ZFAT: variants seen among roughly 807,000 people sequenced by gnomAD.
ZFAT encodes zinc finger and AT-hook domain containing.
A neutral mutation model predicts 117.7 loss-of-function variants in ZFAT; 64 were observed. The observed-to-expected ratio is 0.54, with a 90% CI of 0.44 to 0.67. ZFAT has a LOEUF of 0.67. Among genes scored for constraint, ZFAT ranks in the 30% least tolerant of loss-of-function variants. ZFAT has a pLI of 0.00. For missense variants in ZFAT, 1,433 were observed against 1,584.5 expected, an observed-to-expected ratio of 0.90 and a Z score of 1.62; for synonymous variants, 679 against 615.0, an observed-to-expected ratio of 1.10 and a Z score of -1.54.
In ZFAT at chr8:134,577,182, G is replaced by A. The variant is rs895397297; in HGVS notation, c.2887+6650C>T. On this transcript the variant is annotated intron_variant, in intron 10 of 15. Transcript: ENST00000377838. ...TGGCATACACACAAAGGGTTTAATCGAGCCCTTTATAGATCAATTTCTCTC... is the reference window on the plus strand; with the variant it reads ...TGGCATACACACAAAGGGTTTAATCAAGCCCTTTATAGATCAATTTCTCTC... Among the ~76,000 whole-genome samples, 14 of 152,186 alleles carry A rather than the reference G, an allele frequency of 9.2e-5. No individual in the cohort carries two copies. In the East Asian group the frequency reaches 2.1e-3, roughly 23 times the overall value.
At chr8:134,682,581 G>C (rs1392381041) in intron 1 of ZFAT, among the ~76,000 whole-genome samples, 1 of 152,256 alleles carries the variant, frequency 6.6e-6, no homozygotes, top group Non-Finnish European at 1.5e-5. Flanking sequence ...CTTGAGCCTG[G>C]AAGGCGGAGG....
At position 134,602,381 on chromosome 8, in the gene ZFAT, C is replaced by T. The variant is rs775361240; in HGVS notation, c.1338G>A (p.Ala446=). 2.1e-5 allele frequency: 34 copies of T among 1,613,702 alleles called. No individual in the cohort carries two copies. The highest frequency in any genetic ancestry group is 5.0e-5 in the Admixed American group (3 of 60,012). ...LCGHGATKYQ[A]LELHVRKHPF... is the part of the protein sequence containing the mutation. ...GGTGCTTCCTGACATGCAGTTCCAG[C>T]GCCTGGTACTTGGTGGCCCCATGGC... Residue 446 remains alanine (A), a synonymous_variant, in exon 6 of 16, where the codon GCG becomes GCA. Transcript: ENST00000377838.
chr8:134,720,140 CAGGAGTCCTCATGG>C, the ZFAT span, among the ~76,000 whole-genome samples: 1 of 152,212 alleles, frequency 6.6e-6, no homozygotes, highest in Non-Finnish European at 1.5e-5. Flanking sequence ...ACCCAGAGGA[CAGGAGTCCTCATGG>C]ACATTCAATC....
the ZFAT span, among the ~76,000 whole-genome samples, chr8:134,763,282 C>T: frequency 6.6e-6 from 1 of 152,300 alleles, no homozygotes; most frequent in African/African-American, 2.4e-5. Context: ...TCACTGAATT[C>T]ACCTCCTGTT....
the ZFAT span, among the ~76,000 whole-genome samples, chr8:134,722,371 G>A: frequency 1.6e-4 from 25 of 152,190 alleles, no homozygotes; most frequent in Non-Finnish European, 7.3e-5. Flanking sequence ...GCATTCAAGG[G>A]TGGCTCTCTT....
At chr8:134,791,711 A>G in the ZFAT span, among the ~76,000 whole-genome samples, 1 of 152,238 alleles carries the variant, frequency 6.6e-6, no homozygotes, top group East Asian at 1.9e-4. Flanking sequence ...GTGAATTGTA[A>G]GTACAATAAT....
At chr8:134,597,541 T>C (rs1386766268) in intron 7 of ZFAT, 7 of 152,224 alleles carry the variant, frequency 4.6e-5, no homozygotes, top group Non-Finnish European at 7.3e-5. Flanking sequence ...GGAAAATTTT[T>C]TTTGGGCGGA....
rs1264015628 is a variant in ZFAT at position 134,602,705 on chromosome 8, C to G, written c.1014G>C (p.Lys338Asn). The stretch of plus-strand genomic sequence containing the variant: ...GCTCGATGTGCACCTTGAGGTGGCC[C>G]TTGCTCAGGCAGGTGAACGAGCAAT... ...CDYCSFTCLS[K>N]GHLKVHIERV... The change falls in exon 6 of 16, where the codon AAG (lysine) becomes AAC (asparagine). Residue 338 changes from lysine to asparagine, a missense_variant. By Grantham distance (94) the Lys-to-Asn change is moderately conservative (BLOSUM62 0). This residue lies in a region of ZFAT where 436 missense variants were observed against 482.0 expected (regional missense o/e 0.90). Coordinates refer to ENST00000377838, the MANE Select transcript of ZFAT (RefSeq NM_020863.4). The G allele has an allele frequency of 3.7e-6, 6 of 1,613,954 alleles. No individual in the cohort carries two copies. The highest frequency in any genetic ancestry group is 5.1e-6 in the Non-Finnish European group (6 of 1,179,954).
At position 134,657,595 on chromosome 8, in the gene ZFAT, T is replaced by G; in HGVS notation, c.162A>C (p.Thr54=). 1 of 1,613,810 alleles carries G rather than the reference T, an allele frequency of 6.2e-7. No homozygotes were observed. The highest frequency in any genetic ancestry group is 1.1e-5 in the South Asian group (1 of 91,038). Residue 54 remains threonine (T), a synonymous_variant, in exon 2 of 16, where the codon ACA becomes ACC. Transcript: ENST00000377838. ...TTTTGCTTGAGTTGGGGGGTTCAGG[T>G]GTACTCAGAGGCCTAAGGGGAATAA... ...EIIIPLRPLS[T]PEPPNSSKTG...
the ZFAT span, among the ~76,000 whole-genome samples, chr8:134,818,462 C>A: frequency 6.6e-6 from 1 of 152,116 alleles, no homozygotes; most frequent in Non-Finnish European, 1.5e-5. Flanking sequence ...ACTGACTGCA[C>A]CAAATGATAG....
chr8:134,590,881 T>A (rs1352946914), intron 7 of ZFAT, among the ~76,000 whole-genome samples: 1 of 152,172 alleles, frequency 6.6e-6, no homozygotes, highest in Non-Finnish European at 1.5e-5. Context: ...ATCATTATCA[T>A]CAGCTTCATC....
the ZFAT span, among the ~76,000 whole-genome samples, chr8:134,808,224 G>T: frequency 6.6e-6 from 1 of 152,126 alleles, no homozygotes; most frequent in Non-Finnish European, 1.5e-5. Flanking sequence ...TGAACGCTAG[G>T]CCCTGGGAGA....
chr8:134,652,694 C>A (rs1359961290), intron 2 of ZFAT, among the ~76,000 whole-genome samples: 1 of 152,108 alleles, frequency 6.6e-6, no homozygotes, highest in Non-Finnish European at 1.5e-5. Context: ...TCACTAGTGA[C>A]CAGCAAAATG....
chr8:134,706,421 T>G (rs1029319034), intron 1 of ZFAT, among the ~76,000 whole-genome samples: 1 of 152,142 alleles, frequency 6.6e-6, no homozygotes, highest in Non-Finnish European at 1.5e-5. Context: ...CCGGGAGTGG[T>G]GGCTCACGCC....
At chr8:134,675,180 C>A (rs1050999996) in intron 1 of ZFAT, among the ~76,000 whole-genome samples, 5 of 152,084 alleles carry the variant, frequency 3.3e-5, no homozygotes, top group Non-Finnish European at 5.9e-5. Flanking sequence ...ATGTTCTAAC[C>A]CAATGCAAGG....
intron 15 of ZFAT, among the ~76,000 whole-genome samples, chr8:134,484,618 A>C (rs1374235975): frequency 1.3e-5 from 2 of 152,192 alleles, no homozygotes; most frequent in African/African-American, 4.8e-5. Context: ...AATAGAGCAC[A>C]GATTTTTTGA....
intron 11 of ZFAT, among the ~76,000 whole-genome samples, chr8:134,548,669 A>C (rs140186088): frequency 3.9e-4 from 60 of 152,302 alleles, no homozygotes; most frequent in African/African-American, 1.4e-3. Context: ...ATAGGAGGAG[A>C]GGGACTTCTC....
chr8:134,603,432 G>C (rs1319865727), intron 5 of ZFAT, among the ~76,000 whole-genome samples: 1 of 152,226 alleles, frequency 6.6e-6, no homozygotes, highest in Admixed American at 6.5e-5. Context: ...TTAATGGAAT[G>C]AATTCAGTCT....
intron 15 of ZFAT, among the ~76,000 whole-genome samples, chr8:134,502,915 T>C (rs367775845): frequency 2.0e-5 from 3 of 152,136 alleles, no homozygotes; most frequent in Admixed American, 6.5e-5. Context: ...ATCTAGCACA[T>C]TGCAGGAAAA....
Sources: allele counts gnomAD v4.1 joint callset (sites outside exome capture counted in the v4.1 genomes callset), GRCh38; gene constraint gnomAD v4.1.1; regional missense constraint gnomAD v4.1.1; transcripts MANE v1.5; gene names NCBI Gene and HGNC (gene_info 2026-07-23, HGNC 2026-07-21).